MAP3K20: variants seen among roughly 807,000 people sequenced by gnomAD.
MAP3K20 encodes HCCS-4.
In MAP3K20, 40 loss-of-function variants were observed where a neutral mutation model predicts 85.7. That is an observed-to-expected ratio of 0.47 (90% CI 0.36 to 0.61). The LOEUF is 0.61. Among genes scored for constraint, MAP3K20 ranks in the 20% least tolerant of loss-of-function variants. MAP3K20 has a pLI of 0.00. For missense variants in MAP3K20, 817 were observed against 961.7 expected (o/e 0.85, Z 1.99); for synonymous variants, 325 against 327.7 (o/e 0.99, Z 0.09).
chr2:173,090,071 A>G (rs960113080), intron 1 of MAP3K20, among the ~76,000 whole-genome samples: 1 of 152,246 alleles, frequency 6.6e-6, no homozygotes, highest in African/African-American at 2.4e-5. Flanking sequence ...AAAATAGTAC[A>G]CATGGGATAA....
At chr2:173,250,140 C>G (rs1685010008) in intron 16 of MAP3K20, among the ~76,000 whole-genome samples, 1 of 152,176 alleles carries the variant, frequency 6.6e-6, no homozygotes, top group African/African-American at 2.4e-5. Context: ...GACTCATTTT[C>G]CTTTCTTGTA....
intron 3 of MAP3K20, among the ~76,000 whole-genome samples, chr2:173,182,226 T>C (rs1337540167): frequency 6.6e-6 from 1 of 152,200 alleles, no homozygotes; most frequent in East Asian, 1.9e-4. Context: ...GTGAGAGTGA[T>C]GATTAACTGC....
chr2:173,234,748 C>T (rs1232714975), intron 14 of MAP3K20, among the ~76,000 whole-genome samples: 1 of 152,158 alleles, frequency 6.6e-6, no homozygotes, highest in Non-Finnish European at 1.5e-5. Flanking sequence ...ATGAGTAGAA[C>T]GCATGGCACC....
At chr2:173,108,077 GACA>G (rs764251207) in intron 2 of MAP3K20, among the ~76,000 whole-genome samples, 5 of 151,966 alleles carry the variant, frequency 3.3e-5, no homozygotes, top group African/African-American at 7.3e-5. Context: ...TTTCTCACCA[GACA>G]ACAATATTTT....
intron 7 of MAP3K20, among the ~76,000 whole-genome samples, chr2:173,191,570 T>C (rs1340146652): frequency 6.6e-6 from 1 of 152,194 alleles, no homozygotes; most frequent in Non-Finnish European, 1.5e-5. Flanking sequence ...TTAAACAGTA[T>C]AAAATCACCA....
chr2:173,126,192 G>A (rs1227105523), intron 2 of MAP3K20, among the ~76,000 whole-genome samples: 2 of 151,938 alleles, frequency 1.3e-5, no homozygotes, highest in Non-Finnish European at 2.9e-5. Context: ...TTTGCCTGTG[G>A]CACTTATATA....
chr2:173,113,622 A>G (rs772070036), intron 2 of MAP3K20, among the ~76,000 whole-genome samples: 2 of 152,104 alleles, frequency 1.3e-5, no homozygotes, highest in Non-Finnish European at 2.9e-5. Context: ...AAAATTTTTA[A>G]ATTGCCATCT....
In MAP3K20 at chr2:173,168,522, A is replaced by G. The variant is rs375355012; in HGVS notation, c.160-1283A>G. Among the ~76,000 whole-genome samples, 5 of 152,282 alleles carry G rather than the reference A, an allele frequency of 3.3e-5. No homozygotes were observed. The East Asian group carries it at 9.6e-4, about 29-fold the overall frequency. ...ATCCCAACTCTTATCCTATGAAAAA[A>G]ACTGATTAGCAAATAACACTAATTC... is the stretch of plus-strand genomic sequence containing the variant. On this transcript the variant is annotated intron_variant, in intron 2 of 19. Coordinates refer to ENST00000375213, the MANE Select transcript of MAP3K20 (RefSeq NM_016653.3).
At position 173,122,348 on chromosome 2, in the gene MAP3K20, T is replaced by G. The variant is rs191039487; in HGVS notation, c.159+31158T>G. 3.9e-5 allele frequency among the ~76,000 whole-genome samples: 6 copies of G among 152,328 alleles called. No individual in the cohort carries two copies. In the East Asian group the frequency reaches 1.2e-3, roughly 29 times the overall value. On this transcript the variant is annotated intron_variant, in intron 2 of 19. Transcript: ENST00000375213. Reference sequence around the variant, plus strand: ...GAACCCTTTATAAATTGAGCTCGTGTTTTTTCTTTCTTAGTCAACTTGTGG... The same window carrying G: ...GAACCCTTTATAAATTGAGCTCGTGGTTTTTCTTTCTTAGTCAACTTGTGG...
At position 173,229,592 on chromosome 2, in the gene MAP3K20, A is replaced by G. The variant is rs987955820; in HGVS notation, c.988-97A>G. On this transcript the variant is annotated intron_variant, in intron 11 of 19. Transcript: ENST00000375213. ...CCTGCAGGAGGAACCAAGCCAGAGC[A>G]GCAGCTGAGAGCTGAAAGAGTGAGA... is the stretch of plus-strand genomic sequence containing the variant. The G allele has an allele frequency of 5.9e-6, 9 of 1,528,828 alleles. No homozygotes were observed. The African/African-American group carries it at 1.2e-4, about 21-fold the overall frequency. The allele number at this position is 1,528,828 out of a possible 1,614,324, so 94.7% of individuals were successfully genotyped here. A position where few individuals can be genotyped will look rare whatever the true frequency, so the allele number is the denominator to read the frequency against.
chr2:173,134,351 C>A (rs1688712176), intron 2 of MAP3K20, among the ~76,000 whole-genome samples: 1 of 129,214 alleles, frequency 7.7e-6, no homozygotes, highest in Non-Finnish European at 1.6e-5. Flanking sequence ...GCGCATGCCA[C>A]CACTCCTGGC....
chr2:173,209,770 C>T lies in MAP3K20; in HGVS notation c.786C>T (p.Ser262=). The change falls in exon 10 of 20, where the codon TCC becomes TCT. Residue 262 remains serine, a synonymous_variant. Transcript: ENST00000375213. ...SFKQIISILE[S]MSNDTSLPDK... Reference sequence around the variant, plus strand: ...AGCAAATCATTTCAATCCTGGAGTCCATGTCAAATGACACGAGCCTTCCTG... The same window carrying T: ...AGCAAATCATTTCAATCCTGGAGTCTATGTCAAATGACACGAGCCTTCCTG... The T allele has an allele frequency of 1.9e-6, 3 of 1,613,414 alleles. No homozygotes were observed. Among genetic ancestry groups the T allele is most frequent in the Non-Finnish European group, 2.5e-6 (3 of 1,179,804 alleles).
chr2:173,122,902 T>C (rs1688335686), intron 2 of MAP3K20, among the ~76,000 whole-genome samples: 1 of 152,178 alleles, frequency 6.6e-6, no homozygotes, highest in Admixed American at 6.5e-5. Context: ...AGGAAGCTCA[T>C]CTCAGTCGTG....
intron 7 of MAP3K20, among the ~76,000 whole-genome samples, chr2:173,193,347 TC>T (rs1455721301): frequency 3.3e-5 from 5 of 152,206 alleles, no homozygotes; most frequent in African/African-American, 1.2e-4. Flanking sequence ...TTTAAAATTC[TC>T]CCCAAGTGTT....
chr2:173,213,034 G>A (rs1033811911), intron 10 of MAP3K20, among the ~76,000 whole-genome samples: 13 of 152,002 alleles, frequency 8.6e-5, no homozygotes, highest in African/African-American at 2.4e-4. Flanking sequence ...TGTTTAGAAT[G>A]TTTCTATTTT....
At position 173,173,481 on chromosome 2, in the gene MAP3K20, G is replaced by C. The variant is rs138836925; in HGVS notation, c.247+3589G>C. Among the ~76,000 whole-genome samples, 95 of 152,262 alleles carry C rather than the reference G, an allele frequency of 6.2e-4. 2 individuals are homozygous for C. In the East Asian group the frequency reaches 0.013, roughly 21 times the overall value. On this transcript the variant is annotated intron_variant, in intron 3 of 19. Transcript: ENST00000375213. ...GTTAGCCTCTATTACTCGTCTAAGA[G>C]AGGAGACTAGTTCTGCATGATTTCT...
chr2:173,115,579 TTTAGA>T (rs781463147), intron 2 of MAP3K20, among the ~76,000 whole-genome samples: 7 of 152,052 alleles, frequency 4.6e-5, no homozygotes, highest in Non-Finnish European at 8.8e-5. Context: ...AAGGCTGTTG[TTTAGA>T]TTATTTTGTC....
intron 2 of MAP3K20, among the ~76,000 whole-genome samples, chr2:173,165,351 A>G (rs968725698): frequency 6.6e-6 from 1 of 152,094 alleles, no homozygotes; most frequent in African/African-American, 2.4e-5. Flanking sequence ...TGGGATGCAG[A>G]TGTTGCAGTG....
chr2:173,158,564 G>A (rs1043001200), intron 2 of MAP3K20, among the ~76,000 whole-genome samples: 10 of 152,226 alleles, frequency 6.6e-5, no homozygotes, highest in African/African-American at 2.2e-4. Flanking sequence ...AACAAGGACA[G>A]TCGAATATAA....
Sources: gnomAD v4.1 joint callset for allele counts (sites outside exome capture counted in the v4.1 genomes callset) on GRCh38, gnomAD v4.1.1 for gene constraint, MANE v1.5 for transcripts, NCBI Gene and HGNC (gene_info 2026-07-23, HGNC 2026-07-21) for gene names.